CACNA1D: variants seen among roughly 807,000 people sequenced by gnomAD.
The protein encoded by CACNA1D is voltage-dependent L-type calcium channel subunit alpha-1D.
A neutral mutation model predicts 257.1 loss-of-function variants in CACNA1D; 55 were observed. The ratio of observed to expected loss-of-function variants is 0.21; its 90% CI spans 0.17 to 0.27. The LOEUF (loss-of-function observed/expected upper bound fraction) is 0.27. Ranked by LOEUF, CACNA1D falls within the 10% of genes least tolerant of loss-of-function variation. The pLI, the probability that CACNA1D is intolerant of heterozygous loss-of-function variation, is 1.00. For synonymous variants in CACNA1D, 980 were observed against 1,014.9 expected, an observed-to-expected ratio of 0.97 and a Z score of 0.65; for missense variants, 1,876 against 2,784.0, an observed-to-expected ratio of 0.67 and a Z score of 7.34.
chr3:53,603,131 G>A (rs1267440757), intron 3 of CACNA1D, among the ~76,000 whole-genome samples: 1 of 152,192 alleles, frequency 6.6e-6, no homozygotes, highest in African/African-American at 2.4e-5. Flanking sequence ...TCTTCATTTT[G>A]GTTTTGCATC....
intron 11 of CACNA1D, among the ~76,000 whole-genome samples, chr3:53,721,235 G>A (rs1457175575): frequency 6.6e-6 from 1 of 152,210 alleles, no homozygotes; most frequent in Non-Finnish European, 1.5e-5. Flanking sequence ...CTTGATCCAG[G>A]TTTTGGTAAA....
chr3:53,797,453 C>T (rs1340427704), intron 40 of CACNA1D, among the ~76,000 whole-genome samples: 4 of 152,184 alleles, frequency 2.6e-5, no homozygotes, highest in Non-Finnish European at 5.9e-5. Flanking sequence ...TGACTCTCTG[C>T]TTCTGTGTCT....
intron 3 of CACNA1D, among the ~76,000 whole-genome samples, chr3:53,566,841 C>G (rs958402346): frequency 2.0e-5 from 3 of 152,138 alleles, no homozygotes; most frequent in African/African-American, 7.2e-5. Flanking sequence ...ATGCTAAGCA[C>G]CTTGAGACAA....
Position 53,686,711 on chromosome 3 carries a change from G to A in CACNA1D, c.1220+13585G>A, listed in dbSNP as rs148208091. Among the ~76,000 whole-genome samples the A allele has an allele frequency of 4.0e-5, 6 of 151,668 alleles. No homozygotes were observed. In the East Asian group the frequency reaches 1.2e-3, roughly 29 times the overall value. On this transcript the variant is annotated intron_variant, in intron 8 of 47. Coordinates refer to ENST00000350061, the MANE Select transcript of CACNA1D (RefSeq NM_001128840.3). ...AACTATAGCTGACAACATACTTATT[G>A]GTGAAAGACTCAATCTTTTCTTCTT...
chr3:53,711,842 A>G (rs550842211), intron 9 of CACNA1D, among the ~76,000 whole-genome samples: 2 of 152,328 alleles, frequency 1.3e-5, no homozygotes, highest in South Asian at 4.1e-4. Flanking sequence ...GTGGACCCCA[A>G]AGGAGGGAGA....
intron 40 of CACNA1D, chr3:53,791,257 T>A: frequency 3.7e-6 from 2 of 536,164 alleles, no homozygotes; most frequent in South Asian, 4.9e-5. Flanking sequence ...GTGGTTCTTT[T>A]TCGTGAAAGG....
At chr3:53,581,814 A>T (rs1559873303) in intron 3 of CACNA1D, among the ~76,000 whole-genome samples, 1 of 152,216 alleles carries the variant, frequency 6.6e-6, no homozygotes, top group Non-Finnish European at 1.5e-5. Context: ...ACATGCAAGA[A>T]GGCCCATCTG....
Position 53,722,366 on chromosome 3 carries a change from G to A in CACNA1D, c.1558G>A (p.Val520Met), listed in dbSNP as rs1033248858. 10 of 1,614,204 alleles carry A rather than the reference G, an allele frequency of 6.2e-6. No individual in the cohort carries two copies. Among genetic ancestry groups the A allele is most frequent in the Non-Finnish European group, 8.5e-6 (10 of 1,180,028 alleles). ...CAATCGCAGAAGATGTAGGGCCGCC[G>A]TGAAGTCTGTCACGTTTTACTGGCT... ...RFNRRRCRAA[V>M]KSVTFYWLVI... Residue 520 changes from valine (V) to methionine (M), a missense_variant, in exon 12 of 48, where the codon GTG becomes ATG. Transcript: ENST00000350061.
intron 3 of CACNA1D, among the ~76,000 whole-genome samples, chr3:53,586,932 G>C (rs2093227780): frequency 6.6e-6 from 1 of 152,158 alleles, no homozygotes; most frequent in South Asian, 2.1e-4. Flanking sequence ...AACCTTGTCT[G>C]AGGGTAAAGG....
intron 3 of CACNA1D, among the ~76,000 whole-genome samples, chr3:53,520,534 G>A (rs2091511941): frequency 6.6e-6 from 1 of 152,238 alleles, no homozygotes; most frequent in South Asian, 2.1e-4. Flanking sequence ...GGGAGGCCAA[G>A]GCGGGTCGGT....
chr3:53,770,643 CT>C, intron 32 of CACNA1D, 91 bp downstream of exon 32: 2 of 1,224,608 alleles, frequency 1.6e-6, no homozygotes, highest in Non-Finnish European at 2.4e-6. Context: ...CAGGCTCCCC[CT>C]GTGTGGCCAC....
intron 3 of CACNA1D, among the ~76,000 whole-genome samples, chr3:53,575,020 G>T (rs1278907078): frequency 1.3e-5 from 2 of 152,242 alleles, no homozygotes; most frequent in Non-Finnish European, 2.9e-5. Flanking sequence ...ACATCTAAGT[G>T]TTCGAGGTCT....
chr3:53,774,196 C>A lies in CACNA1D; in HGVS notation c.4111-391C>A. The A allele has an allele frequency of 3.7e-6, 1 of 266,820 alleles. No homozygotes were observed. Among genetic ancestry groups the A allele is most frequent in the South Asian group, 4.6e-5 (1 of 21,742 alleles). 16.5% of individuals were successfully genotyped at this position (266,820 alleles called of 1,614,324 possible). ...CTATCACCTGATGTATCTTTCAGTTCTGAGTTTACATGTCACTTCCCCCTA... is the reference window on the plus strand; with the variant it reads ...CTATCACCTGATGTATCTTTCAGTTATGAGTTTACATGTCACTTCCCCCTA... On this transcript the variant is annotated intron_variant, in intron 33 of 47. Transcript: ENST00000350061. This position sits in a 1 kb window ranked among gnomAD's most constrained non-coding sequence, Gnocchi z 4.3.
chr3:53,502,090 G>C (rs2090629605), intron 3 of CACNA1D, among the ~76,000 whole-genome samples: 1 of 150,056 alleles, frequency 6.7e-6, no homozygotes, highest in South Asian at 2.1e-4. Flanking sequence ...GTTCTTGGGA[G>C]TGGTGGGTAC....
chr3:53,790,465 C>G (rs573626991), intron 40 of CACNA1D, among the ~76,000 whole-genome samples: 1 of 152,268 alleles, frequency 6.6e-6, no homozygotes, highest in African/African-American at 2.4e-5. Context: ...TCCGAGGACA[C>G]TATGTCCCCC....
chr3:53,597,158 C>G (rs572512700), intron 3 of CACNA1D, among the ~76,000 whole-genome samples: 1 of 152,228 alleles, frequency 6.6e-6, no homozygotes, highest in African/African-American at 2.4e-5. Flanking sequence ...ATTTGAGTGC[C>G]TATATGTGCC....
chr3:53,586,275 T>G (rs992596052), intron 3 of CACNA1D, among the ~76,000 whole-genome samples: 8 of 139,362 alleles, frequency 5.7e-5, no homozygotes, highest in Non-Finnish European at 1.2e-4. Context: ...TTGCCTCTAT[T>G]CTGTGTGTGT....
chr3:53,660,087 C>A, intron 4 of CACNA1D, 46 bp from the exon 5 acceptor site: 1 of 1,579,296 alleles, frequency 6.3e-7, no homozygotes, highest in Non-Finnish European at 8.7e-7. Context: ...TTTTGCGTCC[C>A]TGGGGTAACA....
chr3:53,679,694 C>A (rs735652), intron 8 of CACNA1D: 31,314 of 152,140 alleles, frequency 0.21, 3,663 homozygotes, highest in East Asian at 0.42. Context: ...TAAAGACACC[C>A]TTAATGATTA....
Sources: gnomAD v4.1 joint callset for allele counts (sites outside exome capture counted in the v4.1 genomes callset) on GRCh38, gnomAD v4.1.1 for gene constraint, Gnocchi (gnomAD v3.1) non-coding constraint, MANE v1.5 for transcripts, NCBI Gene and HGNC (gene_info 2026-07-23, HGNC 2026-07-21) for gene names.